DNAJC16: variants seen among roughly 807,000 people sequenced by gnomAD.
DNAJC16 encodes dnaJ homolog subfamily C member 16.
In DNAJC16, 76 loss-of-function variants were observed where a neutral mutation model predicts 92.7. The observed-to-expected ratio is 0.82, with a 90% CI of 0.68 to 0.99. The LOEUF is 0.99. DNAJC16 is among the 50% of genes least tolerant of loss of function. The pLI, the probability that DNAJC16 is intolerant of heterozygous loss-of-function variation, is 0.00. For missense variants in DNAJC16, 869 were observed against 942.4 expected (o/e 0.92, Z 1.02); for synonymous variants, 328 against 358.7 (o/e 0.91, Z 0.97).
intron 4 of DNAJC16, among the ~76,000 whole-genome samples, chr1:15,544,151 TACACACAC>T (rs148744006): frequency 5.9e-4 from 81 of 137,158 alleles, no homozygotes; most frequent in East Asian, 2.2e-3. Flanking sequence ...TGTATATGCA[TACACACAC>T]ACACACACAC....
intron 2 of DNAJC16, among the ~76,000 whole-genome samples, chr1:15,529,718 C>A (rs1490590743): frequency 6.6e-6 from 1 of 152,126 alleles, no homozygotes; most frequent in East Asian, 1.9e-4. Flanking sequence ...AGAGTAATAG[C>A]CTTTTGCCTC....
At chr1:15,539,536 ACGC>A (rs1710881791) in intron 4 of DNAJC16, among the ~76,000 whole-genome samples, 1 of 149,850 alleles carries the variant, frequency 6.7e-6, no homozygotes, top group African/African-American at 2.5e-5. Flanking sequence ...GTGAGCCACC[ACGC>A]CTGGCTTTTT....
Position 15,567,824 on chromosome 1 carries a change from G to A in DNAJC16, c.1996G>A (p.Glu666Lys), listed in dbSNP as rs1292125461. The change falls in exon 15 of 15, where the codon GAA (glutamate) becomes AAA (lysine). Residue 666 changes from glutamate (E) to lysine (K), a missense_variant. Glu to Lys is a moderately conservative substitution (Grantham distance 56). Transcript: ENST00000375847. ...FSFLSLDKHR[E>K]WLEYLLEFAQ... ...CTTCCTGAGTCTAGATAAACACAGAGAATGGCTAGAATACTTACTAGAATT... is the reference window on the plus strand; with the variant it reads ...CTTCCTGAGTCTAGATAAACACAGAAAATGGCTAGAATACTTACTAGAATT... 29 of 1,614,058 alleles carry A rather than the reference G, an allele frequency of 1.8e-5. No homozygotes were observed. Among genetic ancestry groups the A allele is most frequent in the Non-Finnish European group, 2.4e-5 (28 of 1,180,030 alleles).
chr1:15,537,879 A>C (rs962955010), intron 4 of DNAJC16, among the ~76,000 whole-genome samples: 7 of 152,214 alleles, frequency 4.6e-5, no homozygotes, highest in African/African-American at 1.7e-4. Context: ...GTACTGCTTC[A>C]GAAATAAGTA....
At chr1:15,565,549 T>G in intron 11 of DNAJC16, 1 of 232,482 alleles carries the variant, frequency 4.3e-6, no homozygotes, top group Non-Finnish European at 8.4e-6. Context: ...CATCTGAATT[T>G]TTCTGGCCAG....
intron 7 of DNAJC16, among the ~76,000 whole-genome samples, chr1:15,551,378 A>C (rs1407851962): frequency 2.0e-5 from 3 of 152,206 alleles, no homozygotes; most frequent in Non-Finnish European, 4.4e-5. Context: ...TTTTACTTGG[A>C]AGAATGACAG....
chr1:15,569,884 T>A lies in DNAJC16; in HGVS notation c.*1707T>A, dbSNP rs1446811019. 1.3e-5 allele frequency: 2 copies of A among 152,368 alleles called. No homozygotes were observed. The highest frequency in any genetic ancestry group is 1.9e-4 in the East Asian group (1 of 5,178). 9.4% of individuals were successfully genotyped at this position (152,368 alleles called of 1,614,324 possible). A position where few individuals can be genotyped will look rare whatever the true frequency, so the allele number is the denominator to read the frequency against. On this transcript the variant is annotated 3_prime_UTR_variant, in exon 15 of 15. Transcript: ENST00000375847. ...CTGGTCATGAACTCCTGACCTCAGG[T>A]GATCTGCCTGCCTCAGCCTCCCAAA... is the stretch of plus-strand genomic sequence containing the variant.
intron 7 of DNAJC16, among the ~76,000 whole-genome samples, chr1:15,552,561 AG>A (rs1638470508): frequency 6.6e-6 from 1 of 152,090 alleles, no homozygotes; most frequent in Non-Finnish European, 1.5e-5. Flanking sequence ...TGACCAGTGC[AG>A]GGTATTATGA....
At chr1:15,555,271 C>T (rs1296042048) in intron 7 of DNAJC16, among the ~76,000 whole-genome samples, 1 of 151,260 alleles carries the variant, frequency 6.6e-6, no homozygotes, top group Non-Finnish European at 1.5e-5. Context: ...CCTGTAGTCC[C>T]AGCTACTCTG....
intron 7 of DNAJC16, among the ~76,000 whole-genome samples, 183 bp downstream of exon 7, chr1:15,548,611 GT>G (rs1232116103): frequency 6.6e-6 from 1 of 152,006 alleles, no homozygotes; most frequent in Admixed American, 6.5e-5. Flanking sequence ...AATTTAAAAC[GT>G]TTAAAAATTT....
chr1:15,539,243 A>ATTTTT (rs59004062), intron 4 of DNAJC16, among the ~76,000 whole-genome samples: 1 of 148,230 alleles, frequency 6.7e-6, no homozygotes, highest in Non-Finnish European at 1.5e-5. Context: ...TTTTTATTTT[A>ATTTTT]TTTTTTTTTT....
chr1:15,552,323 T>TA (rs569635595), intron 7 of DNAJC16, among the ~76,000 whole-genome samples: 9 of 150,426 alleles, frequency 6.0e-5, no homozygotes, highest in Admixed American at 2.7e-4. Context: ...CTGTTTCTAC[T>TA]AAAAAAAAAT....
intron 2 of DNAJC16, among the ~76,000 whole-genome samples, chr1:15,531,595 A>T (rs573324935): frequency 9.5e-4 from 145 of 152,372 alleles, no homozygotes; most frequent in African/African-American, 3.3e-3. Context: ...TGTGGGACCT[A>T]TTAAAATGTA....
intron 2 of DNAJC16, among the ~76,000 whole-genome samples, chr1:15,531,306 G>T (rs1329842678): frequency 6.6e-6 from 1 of 152,186 alleles, no homozygotes; most frequent in South Asian, 2.1e-4. Flanking sequence ...TGAAATAAAG[G>T]TAAAGATCAT....
rs758451008 is a variant in DNAJC16 at position 15,536,072 on chromosome 1, C to CTTTTTT, written c.235-390_235-385dup. On this transcript the variant is annotated intron_variant, in intron 3 of 14. Transcript: ENST00000375847. ...CATTTCTTTTCTTTTCTTTTCTTTT[C>CTTTTTT]TTTTTTTTTTTTTTTTTTGAGACGG... Among the ~76,000 whole-genome samples the CTTTTTT allele has an allele frequency of 3.1e-3, 266 of 84,504 alleles. 2 individuals carry two copies. Among genetic ancestry groups the CTTTTTT allele is most frequent in the Non-Finnish European group, 3.6e-3 (158 of 43,902 alleles). 55.4% of individuals were successfully genotyped at this position (84,504 alleles called of 152,430 possible).
At chr1:15,542,783 C>G (rs1038693137) in intron 4 of DNAJC16, among the ~76,000 whole-genome samples, 2 of 152,194 alleles carry the variant, frequency 1.3e-5, no homozygotes, top group Non-Finnish European at 2.9e-5. Flanking sequence ...CCCCCACCCC[C>G]ACAGCGTGTG....
chr1:15,547,502 G>A (rs1638339289), intron 6 of DNAJC16, among the ~76,000 whole-genome samples: 1 of 151,266 alleles, frequency 6.6e-6, no homozygotes, highest in Non-Finnish European at 1.5e-5. Context: ...GAGTGCAGTG[G>A]TGTGATCTAG....
At chr1:15,558,758 T>C (rs1029001876) in intron 7 of DNAJC16, among the ~76,000 whole-genome samples, 2 of 152,232 alleles carry the variant, frequency 1.3e-5, no homozygotes, top group African/African-American at 2.4e-5. Context: ...CTTTGAAATG[T>C]GTGAAAGTTA....
rs942959567 is a variant in DNAJC16 at position 15,536,741 on chromosome 1, C to T, written c.501C>T (p.Thr167=). 2 of 1,614,172 alleles carry T rather than the reference C, an allele frequency of 1.2e-6. No individual in the cohort carries two copies. Among genetic ancestry groups the T allele is most frequent in the Non-Finnish European group, 1.7e-6 (2 of 1,180,040 alleles). The change falls in exon 4 of 15, where the codon ACC becomes ACT. Residue 167 remains threonine (T), a synonymous_variant. Coordinates refer to ENST00000375847, the MANE Select transcript of DNAJC16 (RefSeq NM_015291.4). ...SFKKPYLIKI[T]SDWCFSCIHI... is the part of the protein sequence containing the mutation. ...AGAAACCCTACCTCATCAAGATCAC[C>T]TCCGATTGGTGCTTTAGCTGCATTC...
Sources: allele counts gnomAD v4.1 joint callset (sites outside exome capture counted in the v4.1 genomes callset), GRCh38; gene constraint gnomAD v4.1.1; transcripts MANE v1.5; gene names NCBI Gene and HGNC (gene_info 2026-07-23, HGNC 2026-07-21).